FER1L6: variants seen among roughly 807,000 people sequenced by gnomAD.
The protein encoded by FER1L6 is fer-1-like protein 6.
FER1L6 carries 177 observed loss-of-function variants against 219.2 expected under a neutral mutation model. The observed-to-expected ratio is 0.81, with a 90% CI of 0.71 to 0.91. FER1L6 has a LOEUF of 0.91. Among genes scored for constraint, FER1L6 ranks in the 40% least tolerant of loss-of-function variants. FER1L6 has a pLI of 0.00. For missense variants in FER1L6, 2,153 were observed against 2,259.9 expected, an observed-to-expected ratio of 0.95 and a Z score of 0.96; for synonymous variants, 768 against 824.3, an observed-to-expected ratio of 0.93 and a Z score of 1.17.
At chr8:123,962,960 C>T (rs946183399) in intron 2 of FER1L6, among the ~76,000 whole-genome samples, 4 of 152,080 alleles carry the variant, frequency 2.6e-5, no homozygotes, top group Admixed American at 2.0e-4. Flanking sequence ...TTCTGGGGTC[C>T]CCTTGGGTGG....
chr8:124,102,214 T>C (rs750987195), intron 38 of FER1L6, among the ~76,000 whole-genome samples: 1 of 152,174 alleles, frequency 6.6e-6, no homozygotes, highest in Non-Finnish European at 1.5e-5. Flanking sequence ...TTCACGTTAA[T>C]TTTAGAATGC....
At position 123,975,218 on chromosome 8, in the gene FER1L6, T is replaced by C. The variant is rs1260236439; in HGVS notation, c.595T>C (p.Tyr199His). 6.2e-7 allele frequency: 1 copy of C among 1,613,006 alleles called. No homozygotes were observed. The change falls in exon 8 of 41, where the codon TAC (tyrosine) becomes CAC (histidine). Residue 199 changes from tyrosine (Y) to histidine (H), a missense_variant. Tyr to His is a moderately conservative substitution (Grantham distance 83, BLOSUM62 2). Transcript: ENST00000522917. ...PGDIRTGTKG[Y>H]LKCDISVMGK... Reference sequence around the variant, plus strand: ...TGACATCAGGACTGGCACCAAGGGGTACCTGAAATGTGACATCAGTGTCAT... The same window carrying C: ...TGACATCAGGACTGGCACCAAGGGGCACCTGAAATGTGACATCAGTGTCAT...
In FER1L6 at chr8:123,975,227, T is replaced by C. The variant is rs201386422; in HGVS notation, c.604T>C (p.Cys202Arg). 58 of 1,613,084 alleles carry C rather than the reference T, an allele frequency of 3.6e-5. No homozygotes were observed. The highest frequency in any genetic ancestry group is 1.7e-5 in the Admixed American group (1 of 59,968). Reference protein sequence around the residue: ...IRTGTKGYLKCDISVMGKGDV... With the variant: ...IRTGTKGYLKRDISVMGKGDV... ...GACTGGCACCAAGGGGTACCTGAAA[T>C]GTGACATCAGTGTCATGGGAAAAGG... is the stretch of plus-strand genomic sequence containing the variant. Residue 202 changes from cysteine to arginine, a missense_variant, in exon 8 of 41, where the codon TGT becomes CGT. Transcript: ENST00000522917.
chr8:123,899,029 G>C (rs746821938), intron 1 of FER1L6, among the ~76,000 whole-genome samples: 1 of 151,930 alleles, frequency 6.6e-6, no homozygotes, highest in African/African-American at 2.4e-5. Flanking sequence ...CTAGTATTGG[G>C]ATTGCTGGAT....
At chr8:123,890,878 T>C (rs1208919021) in intron 1 of FER1L6, among the ~76,000 whole-genome samples, 3 of 152,082 alleles carry the variant, frequency 2.0e-5, no homozygotes, top group African/African-American at 7.2e-5. Context: ...AATGTTTAAA[T>C]GGTGTTTATT....
intron 31 of FER1L6, among the ~76,000 whole-genome samples, chr8:124,072,715 C>T (rs1479434866): frequency 6.6e-6 from 1 of 152,198 alleles, no homozygotes; most frequent in Non-Finnish European, 1.5e-5. Flanking sequence ...ATAGTCTCTG[C>T]CTTCAGGGAA....
At chr8:124,067,411 C>T (rs1169848990) in intron 27 of FER1L6, among the ~76,000 whole-genome samples, 1 of 152,196 alleles carries the variant, frequency 6.6e-6, no homozygotes, top group Non-Finnish European at 1.5e-5. Context: ...GAAACGCCAA[C>T]AGACACAACT....
chr8:123,963,266 T>C lies in FER1L6; in HGVS notation c.77-12T>C. On this transcript the variant is annotated splice_polypyrimidine_tract_variant and intron_variant, in intron 2 of 40. Coordinates refer to ENST00000522917, the MANE Select transcript of FER1L6 (RefSeq NM_001039112.2). ...ATTTCACAGGATTTTCTTCCTTTGT[T>C]TGCTTCTCCAGATAGTCAAGGTGAC... 6.2e-7 allele frequency: 1 copy of C among 1,613,732 alleles called. No homozygotes were observed. Among genetic ancestry groups the C allele is most frequent in the Non-Finnish European group, 8.5e-7 (1 of 1,179,798 alleles).
rs906265434 is a variant in FER1L6, at chr8:124,076,131, G to A, written c.4093-67G>A. 6.3e-6 allele frequency: 10 copies of A among 1,590,182 alleles called. No individual in the cohort carries two copies. The African/African-American group carries it at 1.3e-4, about 21-fold the overall frequency. On this transcript the variant is annotated intron_variant, in intron 31 of 40. Transcript: ENST00000522917. Reference sequence around the variant, plus strand: ...GCATTAGCATTTTTGAAAGCACCAAGGTAATCCCAGTGTACAACCAATGTT... The same window carrying A: ...GCATTAGCATTTTTGAAAGCACCAAAGTAATCCCAGTGTACAACCAATGTT...
intron 1 of FER1L6, among the ~76,000 whole-genome samples, chr8:123,947,380 G>A (rs1814548355): frequency 6.6e-6 from 1 of 152,196 alleles, no homozygotes; most frequent in South Asian, 2.1e-4. Context: ...AGTACAAATT[G>A]TTTTTCAGGC....
At chr8:123,856,316 G>GTATGTGTATA (rs1554608010) in intron 1 of FER1L6, among the ~76,000 whole-genome samples, 2 of 45,088 alleles carry the variant, frequency 4.4e-5, no homozygotes, top group African/African-American at 1.7e-4. Flanking sequence ...ATATGTATGT[G>GTATGTGTATA]TATATATATA....
intron 1 of FER1L6, among the ~76,000 whole-genome samples, chr8:123,936,196 G>A (rs147723829): frequency 2.0e-5 from 3 of 152,180 alleles, no homozygotes; most frequent in Non-Finnish European, 2.9e-5. Context: ...CGGTCCATAC[G>A]CTTTTAAATT....
intron 10 of FER1L6, among the ~76,000 whole-genome samples, 186 bp downstream of exon 10, chr8:123,977,795 G>A (rs1456382521): frequency 1.3e-5 from 2 of 152,170 alleles, no homozygotes; most frequent in East Asian, 3.8e-4. Context: ...TTCCACTTCA[G>A]ATCATCGGGC....
rs1820736625 is a variant in FER1L6, at chr8:124,064,442, C to T, written c.3424C>T (p.Pro1142Ser). The T allele has an allele frequency of 2.5e-6, 4 of 1,614,022 alleles. No individual in the cohort carries two copies. The highest frequency in any genetic ancestry group is 2.2e-5 in the South Asian group (2 of 91,042). ...ADHIYVDVEP[P>S]PTVVPDSAQA... ...TCACATTTATGTGGATGTTGAGCCA[C>T]CTCCCACAGTGGTGCCCGACTCTGC... The change falls in exon 26 of 41, where the codon CCT (proline) becomes TCT (serine). Residue 1142 changes from proline to serine, a missense_variant. Pro to Ser is a moderately conservative substitution (Grantham distance 74). Coordinates refer to ENST00000522917, the MANE Select transcript of FER1L6 (RefSeq NM_001039112.2).
chr8:124,040,660 C>T (rs761100060), intron 20 of FER1L6: 133 of 153,220 alleles, frequency 8.7e-4, no homozygotes, highest in Non-Finnish European at 1.6e-3. Context: ...GTTGAGGAGC[C>T]GTATCTGATG....
At chr8:123,881,635 T>A (rs1817112705) in intron 1 of FER1L6, among the ~76,000 whole-genome samples, 1 of 152,036 alleles carries the variant, frequency 6.6e-6, no homozygotes, top group Non-Finnish European at 1.5e-5. Context: ...CAAAGGAAAT[T>A]AAAAGGGTAA....
rs761619325 is a variant in FER1L6, at chr8:123,853,392, C to T, written c.-8+1207C>T. 8.5e-5 allele frequency among the ~76,000 whole-genome samples: 13 copies of T among 152,134 alleles called. No homozygotes were observed. Among genetic ancestry groups the T allele is most frequent in the South Asian group, 2.1e-4 (1 of 4,830 alleles). ...ATGGTCTCAAACTTCTGACCTCAAACGATCCACCCACCTCAGCCTCCCAAA... is the reference window on the plus strand; with the variant it reads ...ATGGTCTCAAACTTCTGACCTCAAATGATCCACCCACCTCAGCCTCCCAAA... On this transcript the variant is annotated intron_variant, in intron 1 of 40. Transcript: ENST00000522917. This position sits in a 1 kb window ranked among gnomAD's most constrained non-coding sequence, Gnocchi z 6.6.
At position 124,088,359 on chromosome 8, in the gene FER1L6, C is replaced by A. The variant is rs140959796; in HGVS notation, c.4392-3064C>A. Among the ~76,000 whole-genome samples the A allele has an allele frequency of 5.1e-3, 773 of 152,142 alleles. 3 individuals carry two copies. Among genetic ancestry groups the A allele is most frequent in the Non-Finnish European group, 7.7e-3 (525 of 67,982 alleles). On this transcript the variant is annotated intron_variant, in intron 33 of 40. Coordinates refer to ENST00000522917, the MANE Select transcript of FER1L6 (RefSeq NM_001039112.2). Reference sequence around the variant, plus strand: ...TGGCTACTGCCAGTGTTCACTGTGGCAAATGCTGCCTGGCTTGTGTCTCTC... The same window carrying A: ...TGGCTACTGCCAGTGTTCACTGTGGAAAATGCTGCCTGGCTTGTGTCTCTC...
intron 1 of FER1L6, among the ~76,000 whole-genome samples, chr8:123,887,349 C>A (rs1817222219): frequency 6.6e-6 from 1 of 152,158 alleles, no homozygotes; most frequent in Admixed American, 6.5e-5. Flanking sequence ...TGATTGGGAA[C>A]CGATTTGGTT....
Sources: allele counts gnomAD v4.1 joint callset (sites outside exome capture counted in the v4.1 genomes callset), GRCh38; gene constraint gnomAD v4.1.1; non-coding constraint Gnocchi (gnomAD v3.1); transcripts MANE v1.5; gene names NCBI Gene and HGNC (gene_info 2026-07-23, HGNC 2026-07-21).